Variants in NTRK3 observed in about 807,000 individuals in gnomAD.
The protein encoded by NTRK3 is neurotrophic receptor tyrosine kinase 3, also known as NT-3 growth factor receptor.
Under a neutral mutation model 91.7 loss-of-function variants are expected in NTRK3, and 24 were observed. The ratio of observed to expected loss-of-function variants is 0.26; its 90% CI spans 0.19 to 0.37. The LOEUF is 0.37. Ranked by LOEUF, NTRK3 falls within the 10% of genes least tolerant of loss-of-function variation. The pLI, the probability that NTRK3 is intolerant of heterozygous loss-of-function variation, is 1.00. For synonymous variants in NTRK3, 483 were observed against 404.0 expected (o/e 1.20, Z -2.34); for missense variants, 880 against 1,068.9 (o/e 0.82, Z 2.46).
At chr15:87,955,776 GGTGAT>G (rs1447488542) in intron 14 of NTRK3, among the ~76,000 whole-genome samples, 3 of 152,174 alleles carry the variant, frequency 2.0e-5, no homozygotes, top group African/African-American at 7.2e-5. Flanking sequence ...CGTTGTTGAC[GGTGAT>G]GGAAACCAAG....
chr15:87,967,489 C>T (rs1435073398), intron 14 of NTRK3, among the ~76,000 whole-genome samples: 2 of 152,214 alleles, frequency 1.3e-5, no homozygotes, highest in African/African-American at 4.8e-5. Context: ...GGCTAGAGCA[C>T]TGCGAGCCTC....
At chr15:88,073,019 G>A in intron 13 of NTRK3, 1 of 196,100 alleles carries the variant, frequency 5.1e-6, no homozygotes, top group African/African-American at 2.3e-5. Flanking sequence ...GGAAAAATGG[G>A]GCTCAGGTAG....
At chr15:88,032,747 G>C in intron 14 of NTRK3, 110 bp downstream of exon 14, 1 of 1,204,512 alleles carries the variant, frequency 8.3e-7, no homozygotes, top group Admixed American at 1.9e-5. Context: ...GAAAGTGGGA[G>C]GTTGGCAGGT....
chr15:88,081,377 C>A (rs2048027308), intron 13 of NTRK3, among the ~76,000 whole-genome samples: 1 of 152,206 alleles, frequency 6.6e-6, no homozygotes, highest in Non-Finnish European at 1.5e-5. Flanking sequence ...GGCCTCAGAA[C>A]TATGCAAACT....
intron 14 of NTRK3, among the ~76,000 whole-genome samples, chr15:88,022,092 C>T (rs75412875): frequency 7.9e-5 from 12 of 152,186 alleles, no homozygotes; most frequent in Admixed American, 3.9e-4. Context: ...GTGATGAGGG[C>T]GGAGTCCATC....
intron 14 of NTRK3, among the ~76,000 whole-genome samples, chr15:87,988,921 T>A (rs989023060): frequency 6.6e-6 from 1 of 152,212 alleles, no homozygotes; most frequent in Non-Finnish European, 1.5e-5. Flanking sequence ...TACTTTTTTT[T>A]ATTTTTATTT....
At chr15:88,018,860 C>G (rs891884479) in intron 14 of NTRK3, among the ~76,000 whole-genome samples, 1 of 152,032 alleles carries the variant, frequency 6.6e-6, no homozygotes, top group African/African-American at 2.4e-5. Context: ...AAGTTCAGAG[C>G]CTGGCCCTTG....
chr15:88,034,133 C>T (rs1004616582), intron 13 of NTRK3, among the ~76,000 whole-genome samples: 6 of 152,156 alleles, frequency 3.9e-5, no homozygotes, highest in Non-Finnish European at 5.9e-5. Context: ...AGCCATCAAC[C>T]CTCCCTTGTT....
rs1339455440 is a variant in NTRK3, at chr15:87,921,011, T to C, written c.2133+8180A>G. Among the ~76,000 whole-genome samples, 4 of 152,282 alleles carry C rather than the reference T, an allele frequency of 2.6e-5. No homozygotes were observed. In the South Asian group the frequency reaches 8.3e-4, roughly 32 times the overall value. Reference sequence around the variant, plus strand: ...GTTAATTTCTTATTTTTTGCCAAGGTACCCTGGTTCCATACGATGCCAACA... The same window carrying C: ...GTTAATTTCTTATTTTTTGCCAAGGCACCCTGGTTCCATACGATGCCAACA... On this transcript the variant is annotated intron_variant, in intron 17 of 18. Coordinates refer to ENST00000394480, the Ensembl canonical transcript of NTRK3.
chr15:87,935,687 A>C (rs574203679), intron 15 of NTRK3, among the ~76,000 whole-genome samples: 1 of 152,336 alleles, frequency 6.6e-6, no homozygotes, highest in Non-Finnish European at 1.5e-5. Flanking sequence ...GGGCCAGCCA[A>C]ATGGCCTCTC....
At chr15:88,131,861 A>G (rs981985790) in intron 10 of NTRK3, 9 of 184,214 alleles carry the variant, frequency 4.9e-5, no homozygotes, top group African/African-American at 1.6e-4. Context: ...TTCAGCCTGG[A>G]AGAGGATGGT....
At chr15:88,214,401 C>T (rs965508549) in intron 3 of NTRK3, among the ~76,000 whole-genome samples, 1 of 152,158 alleles carries the variant, frequency 6.6e-6, no homozygotes, top group Admixed American at 6.5e-5. Flanking sequence ...CCTCCCTCTG[C>T]GTGTGGCTGG....
intron 3 of NTRK3, among the ~76,000 whole-genome samples, chr15:88,245,259 A>C (rs894912736): frequency 6.6e-6 from 1 of 152,204 alleles, no homozygotes; most frequent in East Asian, 1.9e-4. Context: ...ACTGCTCACC[A>C]GCTTGGCTTC....
chr15:88,032,817 C>T (rs773963197), intron 14 of NTRK3, 40 bp downstream of exon 14: 27 of 1,605,480 alleles, frequency 1.7e-5, no homozygotes, highest in Non-Finnish European at 2.3e-5. Context: ...CAACCACCCT[C>T]CCCTCCCCAG....
chr15:87,860,288 A>G (rs2064489705), exon 19 of NTRK3: 1 of 214,126 alleles, frequency 4.7e-6, no homozygotes, highest in Admixed American at 5.8e-5. Context: ...GATACCATTA[A>G]ATCATCCTTT....
chr15:88,184,103 G>C, intron 4 of NTRK3, 122 bp downstream of exon 4: 2 of 943,130 alleles, frequency 2.1e-6, no homozygotes, highest in Admixed American at 4.0e-5. Context: ...ACCAAAAGAA[G>C]ACCTGGGGGA....
intron 13 of NTRK3, among the ~76,000 whole-genome samples, chr15:88,107,491 C>G (rs535763699): frequency 6.6e-6 from 1 of 152,234 alleles, no homozygotes; most frequent in South Asian, 2.1e-4. Context: ...CCTTCCTAGG[C>G]TCAATGCACA....
chr15:88,038,075 T>C (rs779331671), intron 13 of NTRK3, among the ~76,000 whole-genome samples: 5 of 152,208 alleles, frequency 3.3e-5, no homozygotes, highest in Admixed American at 6.5e-5. Flanking sequence ...TTCTGGTACA[T>C]TATCTTCCTC....
intron 13 of NTRK3, among the ~76,000 whole-genome samples, chr15:88,112,427 G>A (rs1018973153): frequency 4.6e-5 from 7 of 152,190 alleles, no homozygotes; most frequent in Non-Finnish European, 1.0e-4. Flanking sequence ...GCTGAATTCA[G>A]CCCAGAGGGT....
Sources: gnomAD v4.1 joint callset for allele counts (sites outside exome capture counted in the v4.1 genomes callset) on GRCh38, gnomAD v4.1.1 for gene constraint, MANE v1.5 for transcripts, NCBI Gene and HGNC (gene_info 2026-07-23, HGNC 2026-07-21) for gene names.